CNTLN: variants seen among roughly 807,000 people sequenced by gnomAD.
CNTLN encodes centlein, also known as centlein, centrosomal protein.
In CNTLN, 212 loss-of-function variants were observed where a neutral mutation model predicts 180.0. The observed-to-expected ratio is 1.18, with a 90% confidence interval of 1.05 to 1.32. The LOEUF is 1.32. Among genes scored for constraint, CNTLN ranks in the 40% most tolerant of loss-of-function variants. The probability of loss-of-function intolerance (pLI) is 0.00; values close to 1 mark genes in which losing one functional copy is unlikely to be tolerated. For missense variants in CNTLN, 2,095 were observed against 1,610.9 expected, an observed-to-expected ratio of 1.30 and a Z score of -5.14; for synonymous variants, 722 against 563.1, an observed-to-expected ratio of 1.28 and a Z score of -3.99.
intron 2 of CNTLN, among the ~76,000 whole-genome samples, chr9:17,173,322 G>A (rs1820528369): frequency 6.6e-6 from 1 of 152,120 alleles, no homozygotes; most frequent in African/African-American, 2.4e-5. Flanking sequence ...GTGTTATGAA[G>A]ACAGATTTGT....
chr9:17,430,868 G>C (rs1004021816), intron 18 of CNTLN, among the ~76,000 whole-genome samples: 1 of 151,912 alleles, frequency 6.6e-6, no homozygotes, highest in African/African-American at 2.4e-5. Flanking sequence ...CATCTTATTG[G>C]AAATGACAGG....
At chr9:17,387,671 A>G (rs1007258486) in intron 13 of CNTLN, among the ~76,000 whole-genome samples, 2 of 151,994 alleles carry the variant, frequency 1.3e-5, no homozygotes, top group Non-Finnish European at 2.9e-5. Flanking sequence ...CACCCAGTGC[A>G]TGATCCTTCA....
At chr9:17,246,605 C>T (rs1825808283) in intron 5 of CNTLN, among the ~76,000 whole-genome samples, 1 of 152,152 alleles carries the variant, frequency 6.6e-6, no homozygotes, top group African/African-American at 2.4e-5. Flanking sequence ...TTCGTTAATC[C>T]AGCAAGACCT....
chr9:17,167,638 G>C (rs1427850190), intron 2 of CNTLN: 1 of 152,074 alleles, frequency 6.6e-6, no homozygotes, highest in Non-Finnish European at 1.5e-5. Flanking sequence ...TCTACAATGA[G>C]GTATAGCATG....
rs570756418 is a variant in CNTLN, at chr9:17,195,031, G to T, written c.450-31172G>T. On this transcript the variant is annotated intron_variant, in intron 2 of 25. Transcript: ENST00000380647. ...CATAATTCAAATGGTCTCCCACCGTGTCCCTCCCATAACGTGGGAATTATG... is the reference window on the plus strand; with the variant it reads ...CATAATTCAAATGGTCTCCCACCGTTTCCCTCCCATAACGTGGGAATTATG... 1.1e-4 allele frequency among the ~76,000 whole-genome samples: 16 copies of T among 152,236 alleles called. No homozygotes were observed. The East Asian group carries it at 3.1e-3, about 29-fold the overall frequency.
chr9:17,480,818 A>G (rs1479520601), intron 23 of CNTLN, among the ~76,000 whole-genome samples: 1 of 152,232 alleles, frequency 6.6e-6, no homozygotes, highest in East Asian at 1.9e-4. Flanking sequence ...AAAAAGCAGT[A>G]AGAATATTAA....
At chr9:17,147,073 T>C (rs1226219246) in intron 2 of CNTLN, among the ~76,000 whole-genome samples, 1 of 152,204 alleles carries the variant, frequency 6.6e-6, no homozygotes, top group African/African-American at 2.4e-5. Context: ...GTTTGCTTTG[T>C]GTTTTTTGTA....
At chr9:17,498,283 TAAGA>T in intron 25 of CNTLN, among the ~76,000 whole-genome samples, 1 of 152,302 alleles carries the variant, frequency 6.6e-6, no homozygotes, top group Non-Finnish European at 1.5e-5. Context: ...GCTATTTTTC[TAAGA>T]TAGTTCTCAA....
intron 1 of CNTLN, 126 bp downstream of exon 1, chr9:17,135,551 C>G: frequency 1.6e-6 from 2 of 1,248,154 alleles, no homozygotes; most frequent in Non-Finnish European, 2.1e-6. Flanking sequence ...CAGATGCACA[C>G]CCTGCTTCGC....
intron 2 of CNTLN, among the ~76,000 whole-genome samples, chr9:17,193,837 G>A (rs1333966004): frequency 2.0e-5 from 3 of 152,278 alleles, no homozygotes; most frequent in Admixed American, 1.3e-4. Context: ...ATGAGCGCCC[G>A]CCCTGCAACA....
At chr9:17,291,088 T>C (rs1829371432) in intron 6 of CNTLN, among the ~76,000 whole-genome samples, 1 of 152,182 alleles carries the variant, frequency 6.6e-6, no homozygotes, top group African/African-American at 2.4e-5. Flanking sequence ...GAGCAGGTTG[T>C]TCAGTTTCCA....
intron 2 of CNTLN, among the ~76,000 whole-genome samples, chr9:17,200,735 G>A (rs1445275721): frequency 6.6e-6 from 1 of 152,154 alleles, no homozygotes; most frequent in Non-Finnish European, 1.5e-5. Context: ...GAGTTTTGGG[G>A]CTGAGCTGAT....
intron 18 of CNTLN, among the ~76,000 whole-genome samples, chr9:17,425,762 G>C (rs1463502907): frequency 6.6e-6 from 1 of 152,092 alleles, no homozygotes; most frequent in East Asian, 1.9e-4. Context: ...CCTTGGATTG[G>C]CTGAATTGTG....
In CNTLN at chr9:17,394,914, T is replaced by G; in HGVS notation, c.2460T>G (p.Asp820Glu). 6.2e-7 allele frequency: 1 copy of G among 1,614,086 alleles called. No homozygotes were observed. The highest frequency in any genetic ancestry group is 8.5e-7 in the Non-Finnish European group (1 of 1,179,974). ...ATMKVRSGRY[D>E]CKTTMTKVKF... ...TGAAAGTGAGATCTGGACGATATGA[T>G]TGTAAGACAACTATGACCAAGGTTA... Residue 820 changes from aspartate (D) to glutamate (E), a missense_variant, in exon 15 of 26, where the codon GAT becomes GAG. Asp to Glu is a conservative substitution (Grantham distance 45, BLOSUM62 2). Transcript: ENST00000380647.
At chr9:17,183,070 T>C (rs964697302) in intron 2 of CNTLN, among the ~76,000 whole-genome samples, 4 of 152,358 alleles carry the variant, frequency 2.6e-5, no homozygotes, top group African/African-American at 9.6e-5. Flanking sequence ...CTAATGATTC[T>C]AGTAGTTAAG....
At chr9:17,186,898 T>C (rs924417642) in intron 2 of CNTLN, among the ~76,000 whole-genome samples, 6 of 152,068 alleles carry the variant, frequency 3.9e-5, no homozygotes, top group Non-Finnish European at 7.4e-5. Context: ...ATTTTTTATA[T>C]GCAAAACTGA....
intron 12 of CNTLN, among the ~76,000 whole-genome samples, chr9:17,362,784 A>G (rs1033925305): frequency 1.8e-4 from 28 of 151,986 alleles, no homozygotes; most frequent in African/African-American, 6.5e-4. Context: ...ACATGTGCAG[A>G]GTATGCAGGT....
At chr9:17,199,822 G>C (rs896700480) in intron 2 of CNTLN, among the ~76,000 whole-genome samples, 1 of 152,034 alleles carries the variant, frequency 6.6e-6, no homozygotes, top group South Asian at 2.1e-4. Context: ...TTCTTTTCCT[G>C]TGCATAAGTT....
In CNTLN at chr9:17,409,431, A is replaced by C. The variant is rs1385544573; in HGVS notation, c.2754A>C (p.Glu918Asp). 6.2e-7 allele frequency: 1 copy of C among 1,612,758 alleles called. No homozygotes were observed. The highest frequency in any genetic ancestry group is 1.7e-5 in the Admixed American group (1 of 59,740). ...PTEDSQTQGKEIVQTYLNIDG... is the reference protein window; with the variant it reads ...PTEDSQTQGKDIVQTYLNIDG... The stretch of plus-strand genomic sequence containing the variant: ...AAGACAGCCAAACACAAGGAAAAGA[A>C]ATAGTACAGACATATTTAAATATAG... The change falls in exon 16 of 26, where the codon GAA (glutamate) becomes GAC (aspartate). Residue 918 changes from glutamate to aspartate, a missense_variant. Glu to Asp is a conservative substitution (Grantham distance 45). Transcript: ENST00000380647.
Sources: allele counts gnomAD v4.1 joint callset (sites outside exome capture counted in the v4.1 genomes callset), GRCh38; gene constraint gnomAD v4.1.1; transcripts MANE v1.5; gene names NCBI Gene and HGNC (gene_info 2026-07-23, HGNC 2026-07-21).